The following SLC19A2 variants were observed in gnomAD, a reference collection of about 807,000 sequenced individuals.
The protein encoded by SLC19A2 is solute carrier family 19 member 2.
In SLC19A2, 27 loss-of-function variants were observed where a neutral mutation model predicts 44.7. That is an observed-to-expected ratio of 0.60 (90% CI 0.45 to 0.83). The LOEUF is 0.83. Among genes scored for constraint, SLC19A2 ranks in the 40% least tolerant of loss-of-function variants. SLC19A2 has a pLI of 0.00. For missense variants in SLC19A2, 566 were observed against 613.7 expected (o/e 0.92, Z 0.82); for synonymous variants, 239 against 243.6 (o/e 0.98, Z 0.18).
chr1:169,478,668 G>C (rs1658382808), intron 1 of SLC19A2, among the ~76,000 whole-genome samples: 1 of 151,162 alleles, frequency 6.6e-6, no homozygotes, highest in Non-Finnish European at 1.5e-5. Context: ...GAGCCATCTG[G>C]CCTAGCCTCA....
intron 2 of SLC19A2, among the ~76,000 whole-genome samples, chr1:169,471,727 T>C (rs1282101449): frequency 1.6e-5 from 2 of 125,562 alleles, no homozygotes; most frequent in Admixed American, 9.0e-5. Flanking sequence ...ATATATATCA[T>C]TTTTATAAAA....
intron 2 of SLC19A2, among the ~76,000 whole-genome samples, chr1:169,475,466 G>A (rs940010893): frequency 6.6e-6 from 1 of 151,776 alleles, no homozygotes; most frequent in African/African-American, 2.4e-5. Flanking sequence ...TAGAACTATG[G>A]TCAATATGTT....
chr1:169,465,451 C>A lies in SLC19A2; in HGVS notation c.*398G>T. The A allele has an allele frequency of 4.9e-6, 1 of 204,754 alleles. No individual in the cohort carries two copies. The highest frequency in any genetic ancestry group is 8.6e-5 in the South Asian group (1 of 11,614). The allele number at this position is 204,754 out of a possible 1,614,324, so 12.7% of individuals were successfully genotyped here. On this transcript the variant is annotated 3_prime_UTR_variant, in exon 6 of 6. Coordinates refer to ENST00000236137, the MANE Select transcript of SLC19A2 (RefSeq NM_006996.3). ...ATCATGACTTGCAACATTTTGTGGC[C>A]TCTGTGGAGCCCTGGTCCCACCAGG...
At chr1:169,483,813 A>C (rs1395804389) in intron 1 of SLC19A2, among the ~76,000 whole-genome samples, 2 of 152,254 alleles carry the variant, frequency 1.3e-5, no homozygotes, top group Non-Finnish European at 2.9e-5. Flanking sequence ...ATCACATGGC[A>C]GTTCACATGA....
In SLC19A2 at chr1:169,485,687, C is replaced by G; in HGVS notation, c.80G>C (p.Arg27Pro). ...TVLLRTARVRRECWFLPTALL... is the reference protein window; with the variant it reads ...TVLLRTARVRPECWFLPTALL... ...CGCGGTCGGCAAGAACCAGCATTCG[C>G]GACGGACCCGAGCGGTCCGCAGGAG... Residue 27 changes from arginine to proline, a missense_variant, in exon 1 of 6, where the codon CGC becomes CCC. By Grantham distance (103) the Arg-to-Pro change is moderately radical. Coordinates refer to ENST00000236137, the MANE Select transcript of SLC19A2 (RefSeq NM_006996.3). 6.5e-7 allele frequency: 1 copy of G among 1,548,582 alleles called. No individual in the cohort carries two copies. The highest frequency in any genetic ancestry group is 8.7e-7 in the Non-Finnish European group (1 of 1,146,872).
chr1:169,464,035 C>T lies in SLC19A2; in HGVS notation c.*1814G>A, dbSNP rs12091844. On this transcript the variant is annotated 3_prime_UTR_variant, in exon 6 of 6. Transcript: ENST00000236137. The stretch of plus-strand genomic sequence containing the variant: ...CTTATTTACAAAACTGCATACAGTA[C>T]AACTTGCACATTGAGTTCAGCATTC... 0.061 allele frequency: 9,292 copies of T among 152,418 alleles called. 367 individuals carry two copies. Among genetic ancestry groups the T allele is most frequent in the East Asian group, 0.12 (624 of 5,188 alleles). 9.4% of individuals were successfully genotyped at this position (152,418 alleles called of 1,614,324 possible).
chr1:169,467,993 G>C, intron 5 of SLC19A2, 118 bp downstream of exon 5: 2 of 987,574 alleles, frequency 2.0e-6, no homozygotes, highest in Non-Finnish European at 3.2e-6. Context: ...AGGAGGGTAT[G>C]CTTTTACTTT....
intron 5 of SLC19A2, among the ~76,000 whole-genome samples, chr1:169,467,606 T>C (rs1282635245): frequency 1.3e-5 from 2 of 152,158 alleles, no homozygotes; most frequent in African/African-American, 4.8e-5. Context: ...TTCACATTGT[T>C]GTTGGGTGTT....
rs1657957409 is a variant in SLC19A2 at position 169,465,067 on chromosome 1, G to A, written c.*782C>T. 6.6e-6 allele frequency: 1 copy of A among 152,114 alleles called. No homozygotes were observed. Among genetic ancestry groups the A allele is most frequent in the South Asian group, 2.1e-4 (1 of 4,836 alleles). 9.4% of individuals were successfully genotyped at this position (152,114 alleles called of 1,614,324 possible). A position where few individuals can be genotyped will look rare whatever the true frequency, so the allele number is the denominator to read the frequency against. Reference sequence around the variant, plus strand: ...CTTCATATTGAAGATTTAAAGACAAGCAAGCGTACCTTAAGCTTTCTTAAG... The same window carrying A: ...CTTCATATTGAAGATTTAAAGACAAACAAGCGTACCTTAAGCTTTCTTAAG... On this transcript the variant is annotated 3_prime_UTR_variant, in exon 6 of 6. Coordinates refer to ENST00000236137, the MANE Select transcript of SLC19A2 (RefSeq NM_006996.3).
chr1:169,480,083 T>G (rs1045667689), intron 1 of SLC19A2, among the ~76,000 whole-genome samples: 15 of 152,220 alleles, frequency 9.9e-5, no homozygotes, highest in African/African-American at 1.7e-4. Context: ...ATCAGGAAAT[T>G]TTGTTGCACC....
Position 169,470,181 on chromosome 1 carries a change from G to C in SLC19A2, c.813C>G (p.Pro271=), listed in dbSNP as rs1658136804. 1 of 1,613,738 alleles carries C rather than the reference G, an allele frequency of 6.2e-7. No individual in the cohort carries two copies. The highest frequency in any genetic ancestry group is 8.5e-7 in the Non-Finnish European group (1 of 1,179,828). ...TCAATACAAGGAGACGGTCTGGCTT[G>C]GGTTCCTACATAGCAAAAGGGAACA... ...MEEPPVEEPE[P]KPDRLLVLKV... The change falls in exon 3 of 6, where the codon CCC becomes CCG. Residue 271 remains proline (P), a synonymous_variant. Coordinates refer to ENST00000236137, the MANE Select transcript of SLC19A2 (RefSeq NM_006996.3).
intron 2 of SLC19A2, among the ~76,000 whole-genome samples, chr1:169,474,646 A>C (rs1658268445): frequency 6.6e-6 from 1 of 152,150 alleles, no homozygotes; most frequent in African/African-American, 2.4e-5. Context: ...AAAACCACCT[A>C]CCTACCTACT....
rs1358361052 is a variant in SLC19A2, at chr1:169,477,727, A to G, written c.235T>C (p.Tyr79His). ...GGAAACAGTAGCACCAGGTAAGAGTAAGTCCATACTGGATAAATTTCATTG... is the reference window on the plus strand; with the variant it reads ...GGAAACAGTAGCACCAGGTAAGAGTGAGTCCATACTGGATAAATTTCATTG... ...VFNEIYPVWT[Y>H]SYLVLLFPVF... The change falls in exon 2 of 6, where the codon TAC becomes CAC. Residue 79 changes from tyrosine (Y) to histidine (H), a missense_variant. By Grantham distance (83) the Tyr-to-His change is moderately conservative (BLOSUM62 2). Transcript: ENST00000236137. 1 of 1,613,572 alleles carries G rather than the reference A, an allele frequency of 6.2e-7. No homozygotes were observed. Among genetic ancestry groups the G allele is most frequent in the South Asian group, 1.1e-5 (1 of 91,030 alleles).
Position 169,477,599 on chromosome 1 carries a change from C to G in SLC19A2, c.363G>C (p.Leu121=). The change falls in exon 2 of 6, where the codon CTG becomes CTC. Residue 121 remains leucine (L), a synonymous_variant. Coordinates refer to ENST00000236137, the MANE Select transcript of SLC19A2 (RefSeq NM_006996.3). ...AAAATTCTAGAAATTGAATGGCCAG[C>G]AGTCCCTGGGCATAGAGCAGCATAA... The part of the protein sequence containing the change: ...TWFMLLYAQG[L]LAIQFLEFFY... The G allele has an allele frequency of 1.2e-6, 2 of 1,614,096 alleles. No homozygotes were observed. The highest frequency in any genetic ancestry group is 1.7e-6 in the Non-Finnish European group (2 of 1,180,004).
In SLC19A2 at chr1:169,464,775, GC is replaced by G. The variant is rs1338645008; in HGVS notation, c.*1073del. ...AAAGGCAGATTTAAGGTAAAAAAATGCAGGAATCACATCTATCCTAGTTCCT... is the reference window on the plus strand; with the variant it reads ...AAAGGCAGATTTAAGGTAAAAAAATGAGGAATCACATCTATCCTAGTTCCT... On this transcript the variant is annotated 3_prime_UTR_variant, in exon 6 of 6. Transcript: ENST00000236137. 6 of 152,522 alleles carry G rather than the reference GC, an allele frequency of 3.9e-5. No homozygotes were observed. The highest frequency in any genetic ancestry group is 1.4e-4 in the African/African-American group (6 of 41,418). The allele number at this position is 152,522 out of a possible 1,614,324, so 9.4% of individuals were successfully genotyped here. A position where few individuals can be genotyped will look rare whatever the true frequency, so the allele number is the denominator to read the frequency against.
At chr1:169,480,712 T>C (rs1571539969) in intron 1 of SLC19A2, among the ~76,000 whole-genome samples, 1 of 152,192 alleles carries the variant, frequency 6.6e-6, no homozygotes, top group Non-Finnish European at 1.5e-5. Context: ...CCTTTAAAAA[T>C]GTCCTCTACT....
Position 169,470,077 on chromosome 1 carries a change from G to A in SLC19A2, c.917C>T (p.Thr306Ile). 1 of 1,614,006 alleles carries A rather than the reference G, an allele frequency of 6.2e-7. No homozygotes were observed. The highest frequency in any genetic ancestry group is 8.5e-7 in the Non-Finnish European group (1 of 1,179,940). Residue 306 changes from threonine (T) to isoleucine (I), a missense_variant, in exon 3 of 6, where the codon ACC (threonine) becomes ATC (isoleucine). By Grantham distance (89) the Thr-to-Ile change is moderately conservative. Transcript: ENST00000236137. ...LCWSVWWALS[T>I]CGYFQVVNYT... is the part of the protein sequence containing the mutation. Reference sequence around the variant, plus strand: ...GTTCACAACTTGAAAATAGCCACAGGTAGAGAGGGCCCACCACACAGACCA... The same window carrying A: ...GTTCACAACTTGAAAATAGCCACAGATAGAGAGGGCCCACCACACAGACCA...
intron 4 of SLC19A2, 53 bp from the exon 5 acceptor site, chr1:169,468,305 T>A (rs931055199): frequency 2.3e-5 from 33 of 1,422,134 alleles, no homozygotes; most frequent in Non-Finnish European, 3.1e-5. Flanking sequence ...GGAGTACTTA[T>A]AATATTTATT....
intron 5 of SLC19A2, among the ~76,000 whole-genome samples, chr1:169,466,705 C>T (rs954414453): frequency 1.2e-4 from 18 of 151,958 alleles, no homozygotes; most frequent in Non-Finnish European, 2.2e-4. Context: ...CCCAACAGGC[C>T]CCAATGTGTG....
Sources: allele counts gnomAD v4.1 joint callset (sites outside exome capture counted in the v4.1 genomes callset), GRCh38; gene constraint gnomAD v4.1.1; transcripts MANE v1.5; gene names NCBI Gene and HGNC (gene_info 2026-07-23, HGNC 2026-07-21).